CCDC192: variants seen among roughly 807,000 people sequenced by gnomAD.
The protein encoded by CCDC192 is coiled-coil domain containing 192.
chr5:127,730,743 A>G (rs1172776721), intron 2 of CCDC192, among the ~76,000 whole-genome samples: 1 of 152,240 alleles, frequency 6.6e-6, no homozygotes, highest in Non-Finnish European at 1.5e-5. Context: ...AATTCATTAC[A>G]TAAACAGAAC....
At chr5:127,829,922 G>A (rs114547698) in intron 5 of CCDC192, among the ~76,000 whole-genome samples, 2,304 of 152,094 alleles carry the variant, frequency 0.015, 60 homozygotes, top group African/African-American at 0.052. Flanking sequence ...AGGAAAAAAT[G>A]TACTCTATTT....
At chr5:127,798,779 G>A (rs1757316713) in intron 5 of CCDC192, among the ~76,000 whole-genome samples, 1 of 150,646 alleles carries the variant, frequency 6.6e-6, no homozygotes, top group Non-Finnish European at 1.5e-5. Flanking sequence ...TTGATTTTAG[G>A]CAAGTGACCA....
At chr5:127,753,343 C>A (rs1471463160) in intron 2 of CCDC192, among the ~76,000 whole-genome samples, 1 of 152,064 alleles carries the variant, frequency 6.6e-6, no homozygotes, top group Non-Finnish European at 1.5e-5. Flanking sequence ...AGGCCTGTAC[C>A]TTGTGTTTTC....
intron 2 of CCDC192, among the ~76,000 whole-genome samples, chr5:127,727,754 G>A (rs1752417137): frequency 6.6e-6 from 1 of 152,170 alleles, no homozygotes; most frequent in African/African-American, 2.4e-5. Flanking sequence ...CTGAACTAAA[G>A]GAGCATGTTC....
intron 3 of CCDC192, among the ~76,000 whole-genome samples, chr5:127,792,525 C>CATATATATATATATATATATAT (rs34017962): frequency 2.3e-3 from 327 of 141,172 alleles, no homozygotes; most frequent in African/African-American, 4.7e-3. Flanking sequence ...ATCACCATCT[C>CATATATATATATATATATATAT]ATATATATAT....
chr5:127,768,167 G>T (rs1314374410), intron 3 of CCDC192, among the ~76,000 whole-genome samples: 1 of 151,946 alleles, frequency 6.6e-6, no homozygotes. Flanking sequence ...CAGGAGAATC[G>T]CTTGAACTCA....
At chr5:127,774,723 AGGCTGTTCTGGAT>A (rs1755761189) in intron 3 of CCDC192, among the ~76,000 whole-genome samples, 1 of 152,204 alleles carries the variant, frequency 6.6e-6, no homozygotes, top group Non-Finnish European at 1.5e-5. Context: ...AAGATACCAT[AGGCTGTTCTGGAT>A]CCTTTGAGAT....
chr5:127,921,110 A>C (rs28750222), intron 6 of CCDC192, among the ~76,000 whole-genome samples: 38 of 126,820 alleles, frequency 3.0e-4, no homozygotes, highest in African/African-American at 1.3e-3. Context: ...AAGGAAAGGA[A>C]AGGAGAAAGG....
At position 127,786,929 on chromosome 5, in the gene CCDC192, G is replaced by T. The variant is rs115818189; in HGVS notation, c.223-10174G>T. 2.4e-3 allele frequency: 986 copies of T among 410,284 alleles called. 7 individuals carry two copies. The highest frequency in any genetic ancestry group is 0.019 in the African/African-American group (921 of 48,764). 25.4% of individuals were successfully genotyped at this position (410,284 alleles called of 1,614,324 possible). A position where few individuals can be genotyped will look rare whatever the true frequency, so the allele number is the denominator to read the frequency against. On this transcript the variant is annotated intron_variant, in intron 3 of 6. Coordinates refer to ENST00000514853, the MANE Select transcript of CCDC192 (RefSeq NM_001317938.2). Reference sequence around the variant, plus strand: ...TGTGGAGCTCCATGTATCTGGACCTGGTCATGCTGTGCCACATGTACACCT... The same window carrying T: ...TGTGGAGCTCCATGTATCTGGACCTTGTCATGCTGTGCCACATGTACACCT...
rs141468258 is a variant in CCDC192, at chr5:127,816,799, A to C, written c.411+18637A>C. Among the ~76,000 whole-genome samples, 92 of 152,324 alleles carry C rather than the reference A, an allele frequency of 6.0e-4. 1 individual carries two copies. Among genetic ancestry groups the C allele is most frequent in the African/African-American group, 2.2e-3 (92 of 41,580 alleles). On this transcript the variant is annotated intron_variant, in intron 5 of 6. Coordinates refer to ENST00000514853, the MANE Select transcript of CCDC192 (RefSeq NM_001317938.2). Reference sequence around the variant, plus strand: ...AGGTCTCAAGGTGGGGAAATAACCAAGCTTAGGAAAAGTGTTCAAAGATGG... The same window carrying C: ...AGGTCTCAAGGTGGGGAAATAACCACGCTTAGGAAAAGTGTTCAAAGATGG...
intron 2 of CCDC192, among the ~76,000 whole-genome samples, chr5:127,752,710 G>A (rs1279110425): frequency 1.3e-5 from 2 of 152,156 alleles, no homozygotes; most frequent in Non-Finnish European, 2.9e-5. Context: ...CCCTCCCCCA[G>A]CCTCGCTGCC....
At chr5:127,941,062 T>G in intron 6 of CCDC192, 120 bp from the exon 7 acceptor site, 1 of 397,422 alleles carries the variant, frequency 2.5e-6, no homozygotes, top group Non-Finnish European at 4.4e-6. Context: ...AACCAGATGA[T>G]GCAACATCTG....
At chr5:127,756,261 G>T (rs994202591) in intron 3 of CCDC192, among the ~76,000 whole-genome samples, 1 of 152,164 alleles carries the variant, frequency 6.6e-6, no homozygotes, top group Admixed American at 6.5e-5. Context: ...TATCAAGACA[G>T]GGGAATTACA....
intron 5 of CCDC192, among the ~76,000 whole-genome samples, chr5:127,856,273 G>A (rs754618755): frequency 2.6e-5 from 4 of 152,144 alleles, no homozygotes; most frequent in South Asian, 2.1e-4. Flanking sequence ...CTTAAACCTC[G>A]TGTATTAATC....
At chr5:127,844,465 C>T (rs1422591708) in intron 5 of CCDC192, among the ~76,000 whole-genome samples, 1 of 152,140 alleles carries the variant, frequency 6.6e-6, no homozygotes, top group Non-Finnish European at 1.5e-5. Context: ...TAGAATAGAG[C>T]CCGAGTTCTA....
chr5:127,816,102 AGGAGG>A (rs1749013640), intron 5 of CCDC192, among the ~76,000 whole-genome samples: 1 of 152,182 alleles, frequency 6.6e-6, no homozygotes, highest in South Asian at 2.1e-4. Context: ...AAAAGTAATG[AGGAGG>A]GGAGGGGCTT....
At chr5:127,704,399 G>A (rs926797142) in intron 1 of CCDC192, among the ~76,000 whole-genome samples, 1 of 152,198 alleles carries the variant, frequency 6.6e-6, no homozygotes, top group Non-Finnish European at 1.5e-5. Context: ...TGTTGGCCAG[G>A]CTGGTCTTGA....
intron 3 of CCDC192, among the ~76,000 whole-genome samples, chr5:127,773,272 T>C (rs1035863456): frequency 6.6e-6 from 1 of 152,210 alleles, no homozygotes; most frequent in Admixed American, 6.5e-5. Context: ...TTTCTATTTT[T>C]AATGGAGGTA....
At chr5:127,875,732 G>A (rs902720357) in intron 6 of CCDC192, 71 bp downstream of exon 6, 15 of 395,870 alleles carry the variant, frequency 3.8e-5, no homozygotes, top group African/African-American at 1.7e-4. Flanking sequence ...TATTGGCAAC[G>A]AAGCAAAAAA....
Sources: allele counts gnomAD v4.1 joint callset (sites outside exome capture counted in the v4.1 genomes callset), GRCh38; gene constraint gnomAD v4.1.1; transcripts MANE v1.5; gene names NCBI Gene and HGNC (gene_info 2026-07-23, HGNC 2026-07-21).